Variants in ZNF560 observed in about 807,000 individuals in gnomAD.
ZNF560 encodes the protein zinc finger protein 560.
ZNF560 carries 54 observed loss-of-function variants against 81.8 expected under a neutral mutation model. That is an observed-to-expected ratio of 0.66 (90% CI 0.53 to 0.83). The LOEUF (loss-of-function observed/expected upper bound fraction) is 0.83, where lower values mean the gene tolerates loss of function less well. ZNF560 is among the 40% of genes least tolerant of loss of function. The probability of loss-of-function intolerance (pLI) is 0.00; values close to 1 mark genes in which losing one functional copy is unlikely to be tolerated. For synonymous variants in ZNF560, 321 were observed against 317.9 expected (o/e 1.01, Z -0.10); for missense variants, 940 against 932.4 (o/e 1.01, Z -0.11).
chr19:9,449,100 C>A, the ZNF560 span, among the ~76,000 whole-genome samples: 3 of 152,286 alleles, frequency 2.0e-5, no homozygotes, highest in African/African-American at 7.2e-5. Flanking sequence ...ATCACTGAGG[C>A]AGAAAACTAA....
At chr19:9,503,100 A>G (rs192172588), upstream of ZNF560, among the ~76,000 whole-genome samples, 2 of 152,086 alleles carry the variant, frequency 1.3e-5, no homozygotes, top group Non-Finnish European at 2.9e-5. Context: ...TCACACCTGT[A>G]CTCCCAGCAC....
chr19:9,506,143 C>T, the ZNF560 span, among the ~76,000 whole-genome samples: 1 of 151,960 alleles, frequency 6.6e-6, no homozygotes, highest in East Asian at 1.9e-4. Context: ...CAGGTACGCA[C>T]CACCACGCCT....
At chr19:9,447,291 T>C in the ZNF560 span, among the ~76,000 whole-genome samples, 13 of 152,132 alleles carry the variant, frequency 8.5e-5, no homozygotes, top group Non-Finnish European at 1.8e-4. Flanking sequence ...CCTCTCCAGA[T>C]GAGAAGGAAA....
At chr19:9,488,936 C>T (rs1480433226) in intron 2 of ZNF560, among the ~76,000 whole-genome samples, 2 of 152,138 alleles carry the variant, frequency 1.3e-5, no homozygotes, top group African/African-American at 4.8e-5. Context: ...ACCTCCCCCT[C>T]ATTCTCCCTT....
chr19:9,452,384 G>C, the ZNF560 span, among the ~76,000 whole-genome samples: 1 of 152,250 alleles, frequency 6.6e-6, no homozygotes, highest in Non-Finnish European at 1.5e-5. Context: ...ACTCTAACCA[G>C]CAATGCCATT....
chr19:9,466,564 G>C lies in ZNF560; in HGVS notation c.*10C>G. 1 of 1,566,324 alleles carries C rather than the reference G, an allele frequency of 6.4e-7. No homozygotes were observed. The highest frequency in any genetic ancestry group is 8.6e-7 in the Non-Finnish European group (1 of 1,156,630). On this transcript the variant is annotated 3_prime_UTR_variant, in exon 10 of 10. Transcript: ENST00000301480. ...TTTTTCCACATTCTTCACATCCACA[G>C]GGCTTCTCTCTAGTGTGTTTTCAAA...
the ZNF560 span, among the ~76,000 whole-genome samples, chr19:9,453,351 T>C: frequency 1.3e-5 from 2 of 152,206 alleles, no homozygotes; most frequent in Non-Finnish European, 2.9e-5. Flanking sequence ...ACAACTTTTC[T>C]ACAGAAATCA....
the ZNF560 span, among the ~76,000 whole-genome samples, chr19:9,448,325 G>T: frequency 1.3e-5 from 2 of 150,596 alleles, no homozygotes; most frequent in Admixed American, 1.3e-4. Context: ...TCTGCCTCCT[G>T]GGTTCAAGTG....
chr19:9,495,930 T>C (rs569135380), intron 2 of ZNF560, among the ~76,000 whole-genome samples: 1 of 152,176 alleles, frequency 6.6e-6, no homozygotes, highest in South Asian at 2.1e-4. Context: ...TGTTCCTTAT[T>C]TCTCTCCAGA....
intron 2 of ZNF560, among the ~76,000 whole-genome samples, chr19:9,489,978 C>T (rs550745407): frequency 6.6e-6 from 1 of 152,242 alleles, no homozygotes; most frequent in South Asian, 2.1e-4. Context: ...AGCTAATGGA[C>T]CATGGCATGA....
At chr19:9,497,133 A>T (rs2073572643) in intron 2 of ZNF560, among the ~76,000 whole-genome samples, 1 of 151,974 alleles carries the variant, frequency 6.6e-6, no homozygotes, top group Non-Finnish European at 1.5e-5. Flanking sequence ...CTCTCAAAAA[A>T]AAAAAATCTT....
the ZNF560 span, among the ~76,000 whole-genome samples, chr19:9,446,854 TAGC>T: frequency 6.6e-6 from 1 of 152,016 alleles, no homozygotes. Context: ...GACTAAAAAA[TAGC>T]AGACAGCTGG....
At chr19:9,487,662 T>C (rs763672677) in intron 2 of ZNF560, among the ~76,000 whole-genome samples, 2 of 152,072 alleles carry the variant, frequency 1.3e-5, no homozygotes, top group Non-Finnish European at 2.9e-5. Context: ...TACTGGGGCT[T>C]GGGGTATAGT....
At chr19:9,474,383 GAAGA>G in intron 3 of ZNF560, 58 bp from the exon 4 acceptor site, 2 of 1,555,678 alleles carry the variant, frequency 1.3e-6, no homozygotes, top group Non-Finnish European at 1.7e-6. Context: ...AGTGTTCACT[GAAGA>G]ATCAGTTAAC....
At chr19:9,473,615 G>GC (rs2073156124) in intron 4 of ZNF560, among the ~76,000 whole-genome samples, 1 of 151,868 alleles carries the variant, frequency 6.6e-6, no homozygotes, top group Non-Finnish European at 1.5e-5. Context: ...TCATGCAAGA[G>GC]ATGATAAACT....
chr19:9,462,477 C>T (rs773530752), downstream of ZNF560, among the ~76,000 whole-genome samples: 3 of 152,180 alleles, frequency 2.0e-5, no homozygotes, highest in Non-Finnish European at 4.4e-5. Context: ...AAACTCTGTT[C>T]GAGGCTCTCA....
chr19:9,487,872 A>G (rs969873993), intron 2 of ZNF560, among the ~76,000 whole-genome samples: 1 of 152,192 alleles, frequency 6.6e-6, no homozygotes, highest in Non-Finnish European at 1.5e-5. Context: ...TGTACAATGT[A>G]TTCAGGGAAG....
At chr19:9,502,935 T>A (rs933303318), upstream of ZNF560, among the ~76,000 whole-genome samples, 4 of 152,200 alleles carry the variant, frequency 2.6e-5, no homozygotes, top group Non-Finnish European at 5.9e-5. Context: ...AATAGATTCT[T>A]ATCTATTCTC....
chr19:9,484,341 C>T (rs919477239), intron 2 of ZNF560, among the ~76,000 whole-genome samples: 51 of 151,834 alleles, frequency 3.4e-4, no homozygotes, highest in Non-Finnish European at 6.3e-4. Context: ...GCACTAGAGC[C>T]GCACTACCCA....
Sources: gnomAD v4.1 joint callset for allele counts (sites outside exome capture counted in the v4.1 genomes callset) on GRCh38, gnomAD v4.1.1 for gene constraint, MANE v1.5 for transcripts, NCBI Gene and HGNC (gene_info 2026-07-23, HGNC 2026-07-21) for gene names.